The following PCDHGA1 variants were observed in gnomAD, a reference collection of about 807,000 sequenced individuals.
The protein encoded by PCDHGA1 is protocadherin gamma subfamily A, 1, also known as protocadherin gamma-A1.
Under a neutral mutation model 58.0 loss-of-function variants are expected in PCDHGA1, and 32 were observed. The observed-to-expected ratio is 0.55, with a 90% CI of 0.42 to 0.74. The LOEUF (loss-of-function observed/expected upper bound fraction) is 0.74. Among genes scored for constraint, PCDHGA1 ranks in the 30% least tolerant of loss-of-function variants. The probability of loss-of-function intolerance (pLI) is 0.00; values close to 1 mark genes in which losing one functional copy is unlikely to be tolerated. For missense variants in PCDHGA1, 1,205 were observed against 1,182.3 expected, an observed-to-expected ratio of 1.02 and a Z score of -0.28; for synonymous variants, 498 against 501.1, an observed-to-expected ratio of 0.99 and a Z score of 0.08.
intron 1 of PCDHGA1, chr5:141,352,027 G>T (rs764316289): frequency 1.2e-6 from 2 of 1,609,130 alleles, no homozygotes; most frequent in Non-Finnish European, 8.5e-7. Context: ...AGGTGGTGGC[G>T]GTGGACGCAG....
At chr5:141,418,935 A>T (rs1424307952) in intron 1 of PCDHGA1, 2 of 1,613,834 alleles carry the variant, frequency 1.2e-6, no homozygotes, top group Admixed American at 3.3e-5. Context: ...ATTATGGAGG[A>T]TTCCCCTCCA....
chr5:141,435,853 T>C (rs1034164236), intron 1 of PCDHGA1, among the ~76,000 whole-genome samples: 1 of 152,110 alleles, frequency 6.6e-6, no homozygotes, highest in African/African-American at 2.4e-5. Context: ...AAAGATACAA[T>C]AGTTAAAACC....
intron 1 of PCDHGA1, chr5:141,357,031 T>C (rs764103688): frequency 2.5e-6 from 4 of 1,613,998 alleles, no homozygotes; most frequent in Non-Finnish European, 3.4e-6. Flanking sequence ...CCTACTCAAG[T>C]CCAGCGAGCC....
chr5:141,348,389 C>T (rs2149748741), intron 1 of PCDHGA1, among the ~76,000 whole-genome samples: 1 of 152,176 alleles, frequency 6.6e-6, no homozygotes, highest in East Asian at 1.9e-4. Context: ...GGCAACATAG[C>T]ATGACCCTGT....
chr5:141,362,075 G>T (rs533999436), intron 1 of PCDHGA1: 1 of 1,612,962 alleles, frequency 6.2e-7, no homozygotes, highest in Non-Finnish European at 8.5e-7. Flanking sequence ...GTCGCTGTGC[G>T]TGATGGAGGA....
chr5:141,401,516 T>G (rs375937507), intron 1 of PCDHGA1, among the ~76,000 whole-genome samples: 3 of 152,320 alleles, frequency 2.0e-5, no homozygotes, highest in South Asian at 2.1e-4. Context: ...CTCTATATAA[T>G]TACCAGAAGA....
At chr5:141,345,898 A>C (rs781265250) in intron 1 of PCDHGA1, 8 of 1,612,394 alleles carry the variant, frequency 5.0e-6, no homozygotes, top group African/African-American at 1.3e-5. Flanking sequence ...GTGGGTCTGC[A>C]CACGGGCGAG....
At chr5:141,452,897 T>C (rs1447851469) in intron 1 of PCDHGA1, among the ~76,000 whole-genome samples, 1 of 152,230 alleles carries the variant, frequency 6.6e-6, no homozygotes, top group Non-Finnish European at 1.5e-5. Flanking sequence ...CCACTTTTAT[T>C]AGTTGGCATT....
At chr5:141,470,862 G>T (rs1363111218) in intron 1 of PCDHGA1, among the ~76,000 whole-genome samples, 1 of 151,596 alleles carries the variant, frequency 6.6e-6, no homozygotes, top group Non-Finnish European at 1.5e-5. Context: ...TAAGTTTTTT[G>T]TTTGTTTGTT....
intron 1 of PCDHGA1, chr5:141,409,251 C>T (rs2095247124): frequency 6.2e-7 from 1 of 1,613,922 alleles, no homozygotes; most frequent in Non-Finnish European, 8.5e-7. Context: ...ATAATCATCA[C>T]TTCTCTCTCT....
At chr5:141,474,920 C>A (rs1363277892) in intron 1 of PCDHGA1, among the ~76,000 whole-genome samples, 2 of 152,232 alleles carry the variant, frequency 1.3e-5, no homozygotes, top group Admixed American at 6.5e-5. Context: ...TACATCTCAT[C>A]TCTGGCTTAT....
At chr5:141,497,878 C>T (rs553853040) in intron 2 of PCDHGA1, among the ~76,000 whole-genome samples, 32 of 152,256 alleles carry the variant, frequency 2.1e-4, no homozygotes, top group Non-Finnish European at 3.5e-4. Flanking sequence ...GTGAAATAAG[C>T]GTTAGGATCT....
chr5:141,374,289 G>A, intron 1 of PCDHGA1: 1 of 1,614,016 alleles, frequency 6.2e-7, no homozygotes. Context: ...ATCGTCTCCA[G>A]AGGTAGGATG....
At chr5:141,363,413 A>G (rs1762914812) in intron 1 of PCDHGA1, among the ~76,000 whole-genome samples, 1 of 152,194 alleles carries the variant, frequency 6.6e-6, no homozygotes, top group Admixed American at 6.5e-5. Context: ...GATAGCAGTA[A>G]ATATCTGTCT....
At chr5:141,376,087 C>T in intron 1 of PCDHGA1, 3 of 1,613,656 alleles carry the variant, frequency 1.9e-6, no homozygotes, top group Non-Finnish European at 2.5e-6. Flanking sequence ...CCGACAGGAT[C>T]CCCGACATCC....
intron 3 of PCDHGA1, 162 bp downstream of exon 3, chr5:141,505,643 T>C: frequency 1.0e-6 from 1 of 967,852 alleles, no homozygotes. Context: ...AAGCCTGGAA[T>C]TGTGGCTAAG....
At position 141,332,585 on chromosome 5, in the gene PCDHGA1, A is replaced by G. The variant is rs748652609; in HGVS notation, c.1901A>G (p.Asp634Gly). ...GTGCGCACGGCGCGAGCCCTGCTGGACAGAGACGCGCTCAAGCAGAGTCTC... is the reference window on the plus strand; with the variant it reads ...GTGCGCACGGCGCGAGCCCTGCTGGGCAGAGACGCGCTCAAGCAGAGTCTC... Reference protein sequence around the residue: ...GEVRTARALLDRDALKQSLVV... With the variant: ...GEVRTARALLGRDALKQSLVV... Residue 634 changes from aspartate (D) to glycine (G), a missense_variant, in exon 1 of 4, where the codon GAC becomes GGC. Coordinates refer to ENST00000517417, the MANE Select transcript of PCDHGA1 (RefSeq NM_018912.3). The surrounding 1 kb of genome is among the most constrained non-coding windows in gnomAD (Gnocchi z 4.6). The G allele has an allele frequency of 3.7e-6, 6 of 1,612,696 alleles. No homozygotes were observed. The highest frequency in any genetic ancestry group is 3.3e-5 in the Admixed American group (2 of 59,998).
intron 1 of PCDHGA1, chr5:141,350,406 C>A: frequency 6.2e-7 from 1 of 1,601,144 alleles, no homozygotes; most frequent in Non-Finnish European, 8.5e-7. Context: ...GGGAAACTTG[C>A]CAAGGATCTG....
chr5:141,419,656 G>C lies in PCDHGA1; in HGVS notation c.2422-75151G>C. The C allele has an allele frequency of 1.9e-6, 3 of 1,612,648 alleles. No homozygotes were observed. The East Asian group carries it at 6.7e-5, about 36-fold the overall frequency. ...TGGTGGCCGTGGACGCGGACTCGGGGCACAATGCCTGGCTGTCCTACCACG... is the reference window on the plus strand; with the variant it reads ...TGGTGGCCGTGGACGCGGACTCGGGCCACAATGCCTGGCTGTCCTACCACG... On this transcript the variant is annotated intron_variant, in intron 1 of 3. Transcript: ENST00000517417.
Sources: allele counts gnomAD v4.1 joint callset (sites outside exome capture counted in the v4.1 genomes callset), GRCh38; gene constraint gnomAD v4.1.1; non-coding constraint Gnocchi (gnomAD v3.1); transcripts MANE v1.5; gene names NCBI Gene and HGNC (gene_info 2026-07-23, HGNC 2026-07-21).